Variants in TFRC observed in about 807,000 individuals in gnomAD.
TFRC encodes transferrin receptor protein 1.
A neutral mutation model predicts 85.8 loss-of-function variants in TFRC; 35 were observed. The ratio of observed to expected loss-of-function variants is 0.41; its 90% confidence interval spans 0.31 to 0.54. TFRC has a LOEUF of 0.54. TFRC is among the 20% of genes least tolerant of loss of function. TFRC has a pLI of 0.31. For missense variants in TFRC, 828 were observed against 921.5 expected, an observed-to-expected ratio of 0.90 and a Z score of 1.31; for synonymous variants, 362 against 328.6, an observed-to-expected ratio of 1.10 and a Z score of -1.10.
chr3:196,055,607 C>G (rs1368881788), intron 16 of TFRC: 2 of 404,898 alleles, frequency 4.9e-6, no homozygotes, highest in Non-Finnish European at 9.1e-6. Context: ...GTTTTTCTCT[C>G]TGGGAAGTTT....
intron 14 of TFRC, among the ~76,000 whole-genome samples, chr3:196,059,855 G>A (rs548490898): frequency 3.4e-5 from 5 of 145,304 alleles, no homozygotes; most frequent in African/African-American, 5.1e-5. Flanking sequence ...TATTTCCTCC[G>A]GCCTTCTCAA....
At chr3:196,076,738 C>A (rs546925482) in intron 2 of TFRC, among the ~76,000 whole-genome samples, 14 of 152,098 alleles carry the variant, frequency 9.2e-5, no homozygotes, top group Non-Finnish European at 1.9e-4. Flanking sequence ...GGATTACAGG[C>A]GTGAGCCACA....
intron 1 of TFRC, among the ~76,000 whole-genome samples, chr3:196,077,846 T>C (rs530144940): frequency 3.9e-5 from 6 of 152,044 alleles, no homozygotes; most frequent in Admixed American, 2.6e-4. Flanking sequence ...CCATCTCCAA[T>C]GGGAAGGGGA....
At chr3:196,076,930 C>T (rs1317021813) in intron 2 of TFRC, 134 bp downstream of exon 2, 1 of 811,570 alleles carries the variant, frequency 1.2e-6, no homozygotes, top group African/African-American at 1.7e-5. Context: ...AGTTATGCCT[C>T]AAGACTACCA....
chr3:196,049,962 G>A lies in TFRC; in HGVS notation c.*1980C>T, dbSNP rs757634632. The A allele has an allele frequency of 3.0e-5, 7 of 231,062 alleles. No individual in the cohort carries two copies. Among genetic ancestry groups the A allele is most frequent in the South Asian group, 1.8e-4 (1 of 5,502 alleles). The allele number at this position is 231,062 out of a possible 1,614,324, so 14.3% of individuals were successfully genotyped here. On this transcript the variant is annotated 3_prime_UTR_variant, in exon 19 of 19. Transcript: ENST00000360110. ...CCTATGACAAACAGCTGATCATCAC[G>A]TTTATAATGATGGTTCACTCACGGA... is the stretch of plus-strand genomic sequence containing the variant.
chr3:196,066,039 C>A (rs1263200799), intron 9 of TFRC, among the ~76,000 whole-genome samples: 1 of 151,608 alleles, frequency 6.6e-6, no homozygotes, highest in East Asian at 1.9e-4. Flanking sequence ...AAAAAACTTA[C>A]TCTCTAGTGG....
chr3:196,071,035 A>G (rs1266109827), intron 6 of TFRC, among the ~76,000 whole-genome samples: 1 of 152,158 alleles, frequency 6.6e-6, no homozygotes, highest in East Asian at 1.9e-4. Context: ...CCCCACAGGG[A>G]GGATATGCAT....
At chr3:196,068,688 G>A (rs1347341475) in intron 7 of TFRC, among the ~76,000 whole-genome samples, 3 of 149,872 alleles carry the variant, frequency 2.0e-5, no homozygotes, top group Admixed American at 1.3e-4. Context: ...AGCAATCTGG[G>A]AGGCCAAGGC....
chr3:196,066,860 G>A lies in TFRC; in HGVS notation c.1040+658C>T, dbSNP rs1047240786. Among the ~76,000 whole-genome samples the A allele has an allele frequency of 3.9e-5, 6 of 152,164 alleles. 1 individual carries two copies. The highest frequency in any genetic ancestry group is 8.8e-5 in the Non-Finnish European group (6 of 68,028). On this transcript the variant is annotated intron_variant, in intron 9 of 18. Transcript: ENST00000360110. ...ATCAGAGAACCTATGTCATACAGGAGATAAATGCTTTCATAAAGGCCTGAA... is the reference window on the plus strand; with the variant it reads ...ATCAGAGAACCTATGTCATACAGGAAATAAATGCTTTCATAAAGGCCTGAA...
chr3:196,078,937 C>A (rs1718936141), intron 1 of TFRC, among the ~76,000 whole-genome samples: 1 of 151,858 alleles, frequency 6.6e-6, no homozygotes, highest in African/African-American at 2.4e-5. Context: ...CCATGCCCAG[C>A]TAATTTTTGT....
At chr3:196,071,680 T>C (rs563070252) in intron 5 of TFRC, among the ~76,000 whole-genome samples, 182 bp from the exon 6 acceptor site, 1 of 152,348 alleles carries the variant, frequency 6.6e-6, no homozygotes, top group African/African-American at 2.4e-5. Flanking sequence ...TCCCAGCACT[T>C]TGGGAGGCCC....
intron 2 of TFRC, among the ~76,000 whole-genome samples, chr3:196,075,723 G>C (rs1258212754): frequency 6.6e-6 from 1 of 151,966 alleles, no homozygotes; most frequent in East Asian, 1.9e-4. Flanking sequence ...ATCAGTTCAG[G>C]ATACTATGCA....
intron 10 of TFRC, among the ~76,000 whole-genome samples, chr3:196,065,050 G>A (rs1005368282): frequency 2.6e-4 from 40 of 152,208 alleles, no homozygotes; most frequent in African/African-American, 7.7e-4. Flanking sequence ...CTGAGGTCAG[G>A]AGCTCTGACC....
In TFRC at chr3:196,055,182, A is replaced by T. The variant is rs2108635587; in HGVS notation, c.1797T>A (p.Ile599=). Residue 599 remains isoleucine, a synonymous_variant, in exon 17 of 19, where the codon ATT becomes ATA. Transcript: ENST00000360110. The stretch of plus-strand genomic sequence containing the variant: ...TCAATTCAACATCATGGGTTAGTTT[A>T]ATCACGAACTGACCAGCGACCTCTG... ...AAAEVAGQFV[I]KLTHDVELNL... 6.2e-7 allele frequency: 1 copy of T among 1,614,234 alleles called. No individual in the cohort carries two copies. The highest frequency in any genetic ancestry group is 8.5e-7 in the Non-Finnish European group (1 of 1,180,038).
chr3:196,071,618 T>C, intron 5 of TFRC, 120 bp from the exon 6 acceptor site: 1 of 1,036,146 alleles, frequency 9.7e-7, no homozygotes, highest in Non-Finnish European at 1.4e-6. Flanking sequence ...ATCTTAAGCT[T>C]GATTTTTATT....
At chr3:196,080,254 C>A (rs983591994) in intron 1 of TFRC, among the ~76,000 whole-genome samples, 2 of 152,236 alleles carry the variant, frequency 1.3e-5, no homozygotes, top group African/African-American at 4.8e-5. Flanking sequence ...CAGGTGTGCA[C>A]CACCATGCCC....
intron 2 of TFRC, 48 bp downstream of exon 2, chr3:196,077,016 A>G (rs964357892): frequency 6.5e-7 from 1 of 1,547,760 alleles, no homozygotes; most frequent in Non-Finnish European, 8.9e-7. Flanking sequence ...TCATGCTTGT[A>G]TATTTCACAT....
chr3:196,066,626 T>C (rs958083689), intron 9 of TFRC, among the ~76,000 whole-genome samples: 5 of 152,150 alleles, frequency 3.3e-5, no homozygotes, highest in African/African-American at 1.2e-4. Context: ...TTGTAGGTGG[T>C]AGGTAGAATG....
In TFRC at chr3:196,072,069, A is replaced by C; in HGVS notation, c.518T>G (p.Phe173Cys). Residue 173 changes from phenylalanine to cysteine, a missense_variant, in exon 5 of 19, where the codon TTT (phenylalanine) becomes TGT (cysteine). Transcript: ENST00000360110. ...GACTTTGCTGAGTTTAAATTCACGA[A>C]ATTGATTTTCAACATACAACGCAAG... ...ENLALYVENQ[F>C]REFKLSKVWR... is the part of the protein sequence containing the mutation. 6.2e-7 allele frequency: 1 copy of C among 1,614,166 alleles called. No homozygotes were observed.
Sources: gnomAD v4.1 joint callset for allele counts (sites outside exome capture counted in the v4.1 genomes callset) on GRCh38, gnomAD v4.1.1 for gene constraint, MANE v1.5 for transcripts, NCBI Gene and HGNC (gene_info 2026-07-23, HGNC 2026-07-21) for gene names.